Variants in TEX14 observed in about 807,000 individuals in gnomAD.
The protein encoded by TEX14 is testis expressed 14, intercellular bridge forming factor.
In TEX14, 168 loss-of-function variants were observed where a neutral mutation model predicts 178.6. That is an observed-to-expected ratio of 0.94 (90% confidence interval 0.83 to 1.07). The LOEUF (loss-of-function observed/expected upper bound fraction) is 1.07, where lower values mean the gene tolerates loss of function less well. Among genes scored for constraint, TEX14 ranks in the 50% least tolerant of loss-of-function variants. The pLI, the probability that TEX14 is intolerant of heterozygous loss-of-function variation, is 0.00. For missense variants in TEX14, 1,730 were observed against 1,753.6 expected, an observed-to-expected ratio of 0.99 and a Z score of 0.24; for synonymous variants, 626 against 634.1, an observed-to-expected ratio of 0.99 and a Z score of 0.19.
intron 10 of TEX14, among the ~76,000 whole-genome samples, chr17:58,609,979 A>C (rs1426494038): frequency 6.6e-6 from 1 of 152,222 alleles, no homozygotes; most frequent in African/African-American, 2.4e-5. Flanking sequence ...GGTCTAGGCA[A>C]GGGGTCTGCC....
chr17:58,670,649 T>C (rs759427488), intron 1 of TEX14, among the ~76,000 whole-genome samples: 7 of 151,536 alleles, frequency 4.6e-5, no homozygotes, highest in African/African-American at 1.2e-4. Context: ...GGCAGGCACC[T>C]GTAATCCCAG....
chr17:58,617,091 A>G (rs1280744118), intron 6 of TEX14, among the ~76,000 whole-genome samples: 1 of 152,088 alleles, frequency 6.6e-6, no homozygotes, highest in East Asian at 1.9e-4. Context: ...TCTCTACTAA[A>G]AATACAAGTA....
chr17:58,581,787 T>G, intron 19 of TEX14: 1 of 1,585,208 alleles, frequency 6.3e-7, no homozygotes, highest in Non-Finnish European at 8.6e-7. Flanking sequence ...CGAAATCCCT[T>G]TATAGTTGGA....
chr17:58,637,465 G>A (rs1179381959), intron 2 of TEX14, among the ~76,000 whole-genome samples: 12 of 152,152 alleles, frequency 7.9e-5, no homozygotes, highest in Non-Finnish European at 1.6e-4. Flanking sequence ...CCCAACCTCC[G>A]GGGAGGGGAG....
At chr17:58,619,521 AG>A (rs748780533) in intron 5 of TEX14, among the ~76,000 whole-genome samples, 149 of 152,090 alleles carry the variant, frequency 9.8e-4, no homozygotes, top group Non-Finnish European at 1.9e-3. Flanking sequence ...CATTAAGAGG[AG>A]GGGGGGCGGG....
At chr17:58,631,594 T>A (rs1053185867) in intron 2 of TEX14, 1 of 146,716 alleles carries the variant, frequency 6.8e-6, no homozygotes, top group Non-Finnish European at 1.5e-5. Flanking sequence ...ATTAAAAACA[T>A]GAGGAAACCA....
intron 14 of TEX14, among the ~76,000 whole-genome samples, chr17:58,597,076 G>A (rs912150342): frequency 6.6e-6 from 1 of 152,152 alleles, no homozygotes; most frequent in Non-Finnish European, 1.5e-5. Flanking sequence ...AGGTGGCAGG[G>A]AGAGCTATCT....
At chr17:58,600,642 T>C (rs1007437309) in intron 13 of TEX14, among the ~76,000 whole-genome samples, 3 of 151,418 alleles carry the variant, frequency 2.0e-5, no homozygotes, top group African/African-American at 7.3e-5. Flanking sequence ...AAATTTATGC[T>C]AGGATTGACC....
intron 1 of TEX14, among the ~76,000 whole-genome samples, chr17:58,652,340 G>C (rs1290109421): frequency 6.6e-6 from 1 of 152,174 alleles, no homozygotes; most frequent in Non-Finnish European, 1.5e-5. Context: ...GAGGGACCTA[G>C]TGGGAGGTAA....
chr17:58,660,806 GC>G (rs750086426), intron 1 of TEX14: 4 of 781,906 alleles, frequency 5.1e-6, no homozygotes, highest in Admixed American at 1.7e-5. Context: ...TGTCATGGAA[GC>G]CAGACTTGGA....
In TEX14 at chr17:58,661,748, G is replaced by C. The variant is rs144404136; in HGVS notation, c.-1-9746C>G. The C allele has an allele frequency of 5.0e-3, 2,791 of 560,734 alleles. 13 individuals carry two copies. Among genetic ancestry groups the C allele is most frequent in the African/African-American group, 9.0e-3 (473 of 52,806 alleles). The allele number at this position is 560,734 out of a possible 1,614,324, so 34.7% of individuals were successfully genotyped here. A position where few individuals can be genotyped will look rare whatever the true frequency, so the allele number is the denominator to read the frequency against. On this transcript the variant is annotated intron_variant, in intron 1 of 31. Coordinates refer to ENST00000349033, the MANE Select transcript of TEX14 (RefSeq NM_031272.5). ...TGGCGTTGGGGGCGGCATAGGGGAA[G>C]GCAACGGAGTCGGTTGTGCCGGGTC...
intron 30 of TEX14, 54 bp downstream of exon 30, chr17:58,559,399 C>T: frequency 1.4e-6 from 1 of 740,420 alleles, no homozygotes; most frequent in Non-Finnish European, 2.3e-6. Flanking sequence ...AACTTTGAAG[C>T]ACATCAAAGC....
chr17:58,676,032 G>A lies in TEX14; in HGVS notation c.-2+15907C>T, dbSNP rs147596979. On this transcript the variant is annotated intron_variant, in intron 1 of 31. Transcript: ENST00000349033. ...AGGTTAATGGATCACCTGAAGTCAC[G>A]AGTTCGAGACCAGCCTGACCAACAT... Among the ~76,000 whole-genome samples the A allele has an allele frequency of 7.2e-5, 11 of 152,202 alleles. No individual in the cohort carries two copies. In the East Asian group the frequency reaches 1.9e-3, roughly 27 times the overall value.
At chr17:58,679,830 T>A (rs1003793678) in intron 1 of TEX14, 13 of 152,160 alleles carry the variant, frequency 8.5e-5, no homozygotes, top group African/African-American at 3.1e-4. Flanking sequence ...AGCACCTGTA[T>A]TTTTAATATC....
At chr17:58,679,517 A>C (rs2047458693) in intron 1 of TEX14, 1 of 152,196 alleles carries the variant, frequency 6.6e-6, no homozygotes, top group Admixed American at 6.6e-5. Context: ...TTTTATAAAC[A>C]AGCCAGATCA....
intron 1 of TEX14, among the ~76,000 whole-genome samples, chr17:58,653,204 G>T (rs1447606890): frequency 6.6e-6 from 1 of 152,190 alleles, no homozygotes; most frequent in Admixed American, 6.5e-5. Flanking sequence ...CCAAAGTGCT[G>T]GGATTACAGG....
At position 58,608,821 on chromosome 17, in the gene TEX14, G is replaced by A. The variant is rs16943137; in HGVS notation, c.1184+2340C>T. Among the ~76,000 whole-genome samples, 1,242 of 152,332 alleles carry A rather than the reference G, an allele frequency of 8.2e-3. 53 individuals are homozygous for A. Among genetic ancestry groups the A allele is most frequent in the Admixed American group, 0.068 (1,033 of 15,300 alleles). ...AAAAGGCTAAATTGGCGTGTGCCAG[G>A]TATTCCAGATGCAGAGAGCAGTGTA... On this transcript the variant is annotated intron_variant, in intron 10 of 31. Transcript: ENST00000349033.
chr17:58,586,226 G>T, intron 17 of TEX14, 144 bp from the exon 18 acceptor site: 3 of 924,204 alleles, frequency 3.2e-6, no homozygotes, highest in Non-Finnish European at 4.7e-6. Flanking sequence ...AGCTTGCCCT[G>T]TTTGGCTTGA....
intron 4 of TEX14, among the ~76,000 whole-genome samples, chr17:58,622,002 G>A (rs944324291): frequency 1.3e-5 from 2 of 152,196 alleles, no homozygotes; most frequent in Non-Finnish European, 2.9e-5. Context: ...CAACAGATGA[G>A]GAAACCAAGG....
Sources: allele counts gnomAD v4.1 joint callset (sites outside exome capture counted in the v4.1 genomes callset), GRCh38; gene constraint gnomAD v4.1.1; transcripts MANE v1.5; gene names NCBI Gene and HGNC (gene_info 2026-07-23, HGNC 2026-07-21).